The following SHISA9 variants were observed in gnomAD, a reference collection of about 807,000 sequenced individuals.
SHISA9 encodes the protein shisa family member 9.
In SHISA9, 13 loss-of-function variants were observed where a neutral mutation model predicts 38.0. The ratio of observed to expected loss-of-function variants is 0.34; its 90% CI spans 0.22 to 0.54. SHISA9 has a LOEUF of 0.54. SHISA9 is among the 20% of genes least tolerant of loss of function. The pLI, the probability that SHISA9 is intolerant of heterozygous loss-of-function variation, is 0.91. For missense variants in SHISA9, 538 were observed against 575.8 expected, an observed-to-expected ratio of 0.93 and a Z score of 0.67; for synonymous variants, 275 against 242.0, an observed-to-expected ratio of 1.14 and a Z score of -1.27.
At chr16:13,051,990 C>G (rs1231250029) in intron 2 of SHISA9, among the ~76,000 whole-genome samples, 8 of 152,256 alleles carry the variant, frequency 5.3e-5, no homozygotes, top group Non-Finnish European at 1.0e-4. Flanking sequence ...GTCTCGAACT[C>G]CTGACCTCGT....
At chr16:13,358,356 C>A in the SHISA9 span, among the ~76,000 whole-genome samples, 1,290 of 152,222 alleles carry the variant, frequency 8.5e-3, 18 homozygotes, top group African/African-American at 0.029. Context: ...TTTAAAAAGT[C>A]TCTCTTCTAA....
intron 2 of SHISA9, among the ~76,000 whole-genome samples, chr16:12,971,593 A>G (rs1229955248): frequency 1.3e-5 from 2 of 152,294 alleles, no homozygotes; most frequent in East Asian, 1.9e-4. Flanking sequence ...TAAACACTTT[A>G]TAAATCTCCC....
At chr16:13,016,650 C>A (rs1393732102) in intron 2 of SHISA9, among the ~76,000 whole-genome samples, 1 of 152,142 alleles carries the variant, frequency 6.6e-6, no homozygotes, top group Non-Finnish European at 1.5e-5. Context: ...ATTAACCAAA[C>A]TGAAACTCAG....
chr16:13,112,382 C>T (rs949174212), intron 2 of SHISA9, among the ~76,000 whole-genome samples: 2 of 151,382 alleles, frequency 1.3e-5, no homozygotes, highest in Non-Finnish European at 2.9e-5. Context: ...AAGAGGGAGG[C>T]AGGGAGGAAG....
rs184253226 is a variant in SHISA9 at position 13,091,477 on chromosome 16, C to T, written c.692-111917C>T. 1.4e-3 allele frequency among the ~76,000 whole-genome samples: 210 copies of T among 152,226 alleles called. 1 individual carries two copies. The highest frequency in any genetic ancestry group is 2.0e-3 in the Non-Finnish European group (138 of 68,000). On this transcript the variant is annotated intron_variant, in intron 2 of 4. Transcript: ENST00000558583. ...TGATCTTTTCATGTAGTCCCATATTCCTTGGAGGCTTTGTTCATTTCTTTT... is the reference window on the plus strand; with the variant it reads ...TGATCTTTTCATGTAGTCCCATATTTCTTGGAGGCTTTGTTCATTTCTTTT...
chr16:13,129,149 T>C (rs1365388689), intron 2 of SHISA9, among the ~76,000 whole-genome samples: 1 of 152,224 alleles, frequency 6.6e-6, no homozygotes, highest in Non-Finnish European at 1.5e-5. Context: ...ATTGTCTTCA[T>C]TTTCATTGCA....
chr16:13,178,836 C>T (rs974091268), intron 2 of SHISA9, among the ~76,000 whole-genome samples: 2 of 138,194 alleles, frequency 1.4e-5, no homozygotes, highest in African/African-American at 5.7e-5. Flanking sequence ...TTTCAGAGGC[C>T]AGGTTTTTGT....
the SHISA9 span, among the ~76,000 whole-genome samples, chr16:13,328,907 A>AT: frequency 0.02 from 3,051 of 151,904 alleles, 86 homozygotes; most frequent in African/African-American, 0.069. Flanking sequence ...CCCCCAAATC[A>AT]TTTTTTTTCC....
the SHISA9 span, among the ~76,000 whole-genome samples, chr16:13,320,292 C>CAAAAAAAAAAA: frequency 1.5e-4 from 6 of 38,996 alleles, no homozygotes; most frequent in African/African-American, 2.4e-4. Flanking sequence ...GACTCTGTCT[C>CAAAAAAAAAAA]AAAAAAAAAA....
chr16:13,336,327 CAATT>C, the SHISA9 span, among the ~76,000 whole-genome samples: 1 of 152,146 alleles, frequency 6.6e-6, no homozygotes, highest in Non-Finnish European at 1.5e-5. Context: ...TCCAAGAAAA[CAATT>C]AATAATTTGA....
the SHISA9 span, among the ~76,000 whole-genome samples, chr16:13,331,017 G>T: frequency 2.6e-5 from 4 of 152,288 alleles, no homozygotes; most frequent in South Asian, 2.1e-4. Flanking sequence ...GAGATGACCA[G>T]TTGCCACCTT....
the SHISA9 span, among the ~76,000 whole-genome samples, chr16:13,361,051 G>C: frequency 6.6e-6 from 1 of 152,194 alleles, no homozygotes; most frequent in Non-Finnish European, 1.5e-5. Context: ...CTTTTGGAGA[G>C]ATTCAAATAG....
At position 13,235,503 on chromosome 16, in the gene SHISA9, TGC is replaced by T; in HGVS notation, c.*96_*97del. ...ACCCTCCCCATCCTCCCCTAATACATGCGTCCACACACTCACTCTCAACAAGA... is the reference window on the plus strand; with the variant it reads ...ACCCTCCCCATCCTCCCCTAATACATGTCCACACACTCACTCTCAACAAGA... On this transcript the variant is annotated 3_prime_UTR_variant, in exon 5 of 5. Coordinates refer to ENST00000558583, the MANE Select transcript of SHISA9 (RefSeq NM_001145204.3). 7.3e-7 allele frequency: 1 copy of T among 1,367,436 alleles called. No homozygotes were observed. Among genetic ancestry groups the T allele is most frequent in the Non-Finnish European group, 9.7e-7 (1 of 1,031,732 alleles). The allele number at this position is 1,367,436 out of a possible 1,614,324, so 84.7% of individuals were successfully genotyped here. A position where few individuals can be genotyped will look rare whatever the true frequency, so the allele number is the denominator to read the frequency against.
the SHISA9 span, among the ~76,000 whole-genome samples, chr16:13,478,148 G>C: frequency 2.0e-5 from 3 of 152,042 alleles, no homozygotes; most frequent in Admixed American, 2.0e-4. Flanking sequence ...GGAACCTGCC[G>C]GGGAAACATG....
the SHISA9 span, among the ~76,000 whole-genome samples, chr16:13,343,060 C>T: frequency 6.6e-6 from 1 of 152,196 alleles, no homozygotes; most frequent in East Asian, 1.9e-4. Context: ...ACATGAGAAG[C>T]ACTCAATGCA....
chr16:13,143,420 T>A (rs2050420034), intron 2 of SHISA9, among the ~76,000 whole-genome samples: 1 of 152,152 alleles, frequency 6.6e-6, no homozygotes. Context: ...TTCAGAGCCA[T>A]CCAGGAAGGA....
chr16:13,161,084 T>C (rs1480601953), intron 2 of SHISA9, among the ~76,000 whole-genome samples: 1 of 152,200 alleles, frequency 6.6e-6, no homozygotes, highest in African/African-American at 2.4e-5. Flanking sequence ...GACTTATGTA[T>C]TTCAGTGGAG....
rs567918247 is a variant in SHISA9 at position 13,022,863 on chromosome 16, A to G, written c.691+106048A>G. Among the ~76,000 whole-genome samples the G allele has an allele frequency of 4.6e-5, 7 of 152,030 alleles. No homozygotes were observed. In the East Asian group the frequency reaches 1.4e-3, roughly 30 times the overall value. ...GCAGTCCTCCTGCCTCTGCCTCCCAAAGTGCTGGGAGCCAGCATACCCAGC... is the reference window on the plus strand; with the variant it reads ...GCAGTCCTCCTGCCTCTGCCTCCCAGAGTGCTGGGAGCCAGCATACCCAGC... On this transcript the variant is annotated intron_variant, in intron 2 of 4. Transcript: ENST00000558583.
At chr16:12,916,011 GTTTTTT>G (rs34050190) in intron 1 of SHISA9, among the ~76,000 whole-genome samples, 6 of 90,446 alleles carry the variant, frequency 6.6e-5, no homozygotes, top group Admixed American at 4.1e-4. Flanking sequence ...GTGTGTGTGT[GTTTTTT>G]TTTTTTTTTT....
Sources: gnomAD v4.1 joint callset for allele counts (sites outside exome capture counted in the v4.1 genomes callset) on GRCh38, gnomAD v4.1.1 for gene constraint, MANE v1.5 for transcripts, NCBI Gene and HGNC (gene_info 2026-07-23, HGNC 2026-07-21) for gene names.